The following IGFBP7 variants were observed in gnomAD, a reference collection of about 807,000 sequenced individuals.
IGFBP7 encodes the protein insulin like growth factor binding protein 7.
A neutral mutation model predicts 29.4 loss-of-function variants in IGFBP7; 31 were observed. The ratio of observed to expected loss-of-function variants is 1.05; its 90% CI spans 0.79 to 1.42. IGFBP7 has a LOEUF of 1.42. Ranked by LOEUF, IGFBP7 falls within the 40% of genes most tolerant of loss-of-function variation. The probability of loss-of-function intolerance (pLI) is 0.00; values close to 1 mark genes in which losing one functional copy is unlikely to be tolerated. For missense variants in IGFBP7, 393 were observed against 395.5 expected, an observed-to-expected ratio of 0.99 and a Z score of 0.05; for synonymous variants, 172 against 174.9, an observed-to-expected ratio of 0.98 and a Z score of 0.13.
rs114286612 is a variant in IGFBP7, at chr4:57,104,765, G to A, written c.475+5112C>T. Among the ~76,000 whole-genome samples the A allele has an allele frequency of 8.8e-3, 1,333 of 152,280 alleles. 20 individuals carry two copies. The highest frequency in any genetic ancestry group is 0.031 in the African/African-American group (1,281 of 41,548). The stretch of plus-strand genomic sequence containing the variant: ...GAAATGTTGGGATTTGGGGGGAAAA[G>A]TTACCATCCAATATTAGAGTTCAGG... On this transcript the variant is annotated intron_variant, in intron 1 of 4. Coordinates refer to ENST00000295666, the MANE Select transcript of IGFBP7 (RefSeq NM_001553.3).
intron 1 of IGFBP7, among the ~76,000 whole-genome samples, chr4:57,070,259 A>T (rs1420145770): frequency 6.6e-6 from 1 of 152,228 alleles, no homozygotes; most frequent in Admixed American, 6.5e-5. Flanking sequence ...ATAATGTCTT[A>T]TTAAGAAAGT....
At chr4:57,071,699 T>C (rs1725056745) in intron 1 of IGFBP7, among the ~76,000 whole-genome samples, 1 of 152,168 alleles carries the variant, frequency 6.6e-6, no homozygotes, top group South Asian at 2.1e-4. Flanking sequence ...CTGTGGCATA[T>C]TTGGTCATGG....
intron 4 of IGFBP7, 100 bp downstream of exon 4, chr4:57,032,326 T>C: frequency 6.6e-7 from 1 of 1,515,556 alleles, no homozygotes; most frequent in South Asian, 1.3e-5. Flanking sequence ...AACTACAGAA[T>C]TTCATCAATA....
At chr4:57,097,531 G>A (rs369011379) in intron 1 of IGFBP7, among the ~76,000 whole-genome samples, 2 of 152,130 alleles carry the variant, frequency 1.3e-5, no homozygotes, top group East Asian at 3.9e-4. Flanking sequence ...ACATCAGCAA[G>A]GCACTAATAT....
chr4:57,033,029 T>C (rs957476009), intron 3 of IGFBP7, among the ~76,000 whole-genome samples, 166 bp downstream of exon 3: 2 of 152,230 alleles, frequency 1.3e-5, no homozygotes, highest in Non-Finnish European at 2.9e-5. Context: ...CACTTTTCCT[T>C]TAGTTTCTCT....
chr4:57,033,318 A>G lies in IGFBP7; in HGVS notation c.586-7T>C. ...CATAGTGACCCCTTTTTACCTGCAA[A>G]AACAAAAGGAGAGTAATACTGAGTT... On this transcript the variant is annotated splice_polypyrimidine_tract_variant and splice_region_variant and intron_variant, in intron 2 of 4. Coordinates refer to ENST00000295666, the MANE Select transcript of IGFBP7 (RefSeq NM_001553.3). 3 of 1,582,300 alleles carry G rather than the reference A, an allele frequency of 1.9e-6. No homozygotes were observed. The highest frequency in any genetic ancestry group is 2.6e-6 in the Non-Finnish European group (3 of 1,151,008).
In IGFBP7 at chr4:57,110,260, G is replaced by T. The variant is rs1359909683; in HGVS notation, c.92C>A (p.Thr31Asn). 1.4e-6 allele frequency: 2 copies of T among 1,419,540 alleles called. No homozygotes were observed. The highest frequency in any genetic ancestry group is 3.0e-5 in the African/African-American group (2 of 67,476). 87.9% of individuals were successfully genotyped at this position (1,419,540 alleles called of 1,614,324 possible). A position where few individuals can be genotyped will look rare whatever the true frequency, so the allele number is the denominator to read the frequency against. The change falls in exon 1 of 5, where the codon ACC becomes AAC. Residue 31 changes from threonine to asparagine, a missense_variant. Coordinates refer to ENST00000295666, the MANE Select transcript of IGFBP7 (RefSeq NM_001553.3). ...GGAGGCCGGCTCGCAGGGGCCGCAG[G>T]TGTCCGAAGAGGAGGAAGAGGAGAG... ...LPLSSSSSSD[T>N]CGPCEPASCP...
At chr4:57,083,533 T>C (rs1718861) in intron 1 of IGFBP7, among the ~76,000 whole-genome samples, 76,997 of 152,100 alleles carry the variant, frequency 0.51, 20,865 homozygotes, top group Middle Eastern at 0.63. Flanking sequence ...ACTACAGATA[T>C]TTAGTTTGCT....
At chr4:57,035,092 G>A (rs1319962879) in intron 2 of IGFBP7, among the ~76,000 whole-genome samples, 2 of 152,110 alleles carry the variant, frequency 1.3e-5, no homozygotes. Context: ...TGAGTTTTAT[G>A]TGTGACCAAA....
At chr4:57,092,291 T>A (rs941188940) in intron 1 of IGFBP7, among the ~76,000 whole-genome samples, 1 of 152,176 alleles carries the variant, frequency 6.6e-6, no homozygotes, top group African/African-American at 2.4e-5. Flanking sequence ...TTGATCAAAT[T>A]GAACTTAAAA....
In IGFBP7 at chr4:57,045,734, C is replaced by CTT. The variant is rs11423399; in HGVS notation, c.476-4803_476-4802dup. The stretch of plus-strand genomic sequence containing the variant: ...ATATGCAGAGGGAATGGAAAAACTC[C>CTT]TTTTTTTTTTTTTTAGATGGAGTTT... On this transcript the variant is annotated intron_variant, in intron 1 of 4. Coordinates refer to ENST00000295666, the MANE Select transcript of IGFBP7 (RefSeq NM_001553.3). Among the ~76,000 whole-genome samples the CTT allele has an allele frequency of 1.7e-3, 247 of 145,256 alleles. 1 individual carries two copies. The highest frequency in any genetic ancestry group is 2.6e-3 in the Non-Finnish European group (171 of 66,278).
At chr4:57,103,129 T>C (rs548327288) in intron 1 of IGFBP7, among the ~76,000 whole-genome samples, 3 of 152,206 alleles carry the variant, frequency 2.0e-5, no homozygotes, top group Non-Finnish European at 4.4e-5. Flanking sequence ...ACAATGCTTC[T>C]AAGATCAGAG....
rs768244901 is a variant in IGFBP7 at position 57,110,066 on chromosome 4, C to T, written c.286G>A (p.Gly96Ser). The change falls in exon 1 of 5, where the codon GGT becomes AGT. Residue 96 changes from glycine to serine, a missense_variant. Transcript: ENST00000295666. The part of the protein sequence containing the change: ...ECVKSRKRRK[G>S]KAGAAAGGPG... ...CCGCCGGCTGCTGCCCCGGCTTTAC[C>T]CTTCCGCCTCTTGCGGCTCTTCACG... 15 of 1,560,736 alleles carry T rather than the reference C, an allele frequency of 9.6e-6. No homozygotes were observed. The African/African-American group carries it at 1.4e-4, about 14-fold the overall frequency.
At position 57,110,283 on chromosome 4, in the gene IGFBP7, GAGGGGC is replaced by G; in HGVS notation, c.63_68del (p.Pro22_Leu23del). 7.0e-7 allele frequency: 1 copy of G among 1,428,248 alleles called. No individual in the cohort carries two copies. Among genetic ancestry groups the G allele is most frequent in the Non-Finnish European group, 9.2e-7 (1 of 1,091,884 alleles). The allele number at this position is 1,428,248 out of a possible 1,614,324, so 88.5% of individuals were successfully genotyped here. A position where few individuals can be genotyped will look rare whatever the true frequency, so the allele number is the denominator to read the frequency against. ...AGGTGTCCGAAGAGGAGGAAGAGGA[GAGGGGC>G]AGGAGCAGGAGCAGCAGCCCAGCGG... On this transcript the variant is annotated inframe_deletion, in exon 1 of 5. Coordinates refer to ENST00000295666, the MANE Select transcript of IGFBP7 (RefSeq NM_001553.3).
intron 1 of IGFBP7, among the ~76,000 whole-genome samples, chr4:57,092,732 A>G (rs891091768): frequency 1.3e-5 from 2 of 150,990 alleles, no homozygotes; most frequent in African/African-American, 2.4e-5. Context: ...TCTATTATAA[A>G]GAAATAACTC....
chr4:57,084,292 T>C (rs372978002), intron 1 of IGFBP7, among the ~76,000 whole-genome samples: 1 of 152,186 alleles, frequency 6.6e-6, no homozygotes, highest in East Asian at 1.9e-4. Context: ...ATTTATTTAA[T>C]AGGAGCATAT....
chr4:57,095,672 G>T (rs1725743346), intron 1 of IGFBP7, among the ~76,000 whole-genome samples: 1 of 152,244 alleles, frequency 6.6e-6, no homozygotes, highest in Non-Finnish European at 1.5e-5. Flanking sequence ...GAGGGGAGAT[G>T]ATAAAATGGA....
chr4:57,059,785 A>G (rs537550383), intron 1 of IGFBP7, among the ~76,000 whole-genome samples: 2 of 152,380 alleles, frequency 1.3e-5, no homozygotes, highest in South Asian at 4.1e-4. Flanking sequence ...AACAAAAAAA[A>G]GAAAAATGTC....
At chr4:57,046,036 G>A (rs1724349375) in intron 1 of IGFBP7, among the ~76,000 whole-genome samples, 1 of 152,012 alleles carries the variant, frequency 6.6e-6, no homozygotes, top group South Asian at 2.1e-4. Flanking sequence ...AAAATCTCTT[G>A]ATAAAAGCAA....
Sources: gnomAD v4.1 joint callset for allele counts (sites outside exome capture counted in the v4.1 genomes callset) on GRCh38, gnomAD v4.1.1 for gene constraint, MANE v1.5 for transcripts, NCBI Gene and HGNC (gene_info 2026-07-23, HGNC 2026-07-21) for gene names.